Variants in SLC1A6 observed in about 807,000 individuals in gnomAD.
The protein encoded by SLC1A6 is solute carrier family 1 member 6.
Under a neutral mutation model 42.1 loss-of-function variants are expected in SLC1A6, and 15 were observed. That is an observed-to-expected ratio of 0.36 (90% CI 0.24 to 0.55). The LOEUF (loss-of-function observed/expected upper bound fraction) is 0.55. Among genes scored for constraint, SLC1A6 ranks in the 20% least tolerant of loss-of-function variants. The probability of loss-of-function intolerance (pLI) is 0.88; values close to 1 mark genes in which losing one functional copy is unlikely to be tolerated. For synonymous variants in SLC1A6, 317 were observed against 319.7 expected (o/e 0.99, Z 0.09); for missense variants, 542 against 772.5 (o/e 0.70, Z 3.54).
intron 9 of SLC1A6, among the ~76,000 whole-genome samples, chr19:14,951,781 G>A (rs925599420): frequency 3.3e-5 from 5 of 151,998 alleles, no homozygotes; most frequent in Admixed American, 6.6e-5. Context: ...GCCTCCCAAA[G>A]TGCTGGGATT....
chr19:14,958,048 A>T (rs873599), intron 6 of SLC1A6, among the ~76,000 whole-genome samples: 103,592 of 152,006 alleles, frequency 0.68, 35,392 homozygotes, highest in African/African-American at 0.74. Context: ...GGGTCAATCG[A>T]GTGAGTTTCT....
At chr19:14,970,871 C>A (rs1371466460) in intron 3 of SLC1A6, among the ~76,000 whole-genome samples, 1 of 152,108 alleles carries the variant, frequency 6.6e-6, no homozygotes, top group African/African-American at 2.4e-5. Context: ...GTGGCTCATG[C>A]CTGCTATCCC....
At position 14,972,846 on chromosome 19, in the gene SLC1A6, C is replaced by T; in HGVS notation, c.65G>A (p.Trp22Ter). Residue 22 changes from tryptophan (W) to a stop codon, truncating the protein, a stop_gained, in exon 2 of 10, where the codon TGG becomes TAG. Coordinates refer to ENST00000594383, the MANE Select transcript of SLC1A6 (RefSeq NM_005071.3). LOFTEE classifies it high-confidence loss of function. ...ESGQRLGRVG[W>*]LQRLQESLQQ... ...CAGGCTTTCCTGCAGCCGCTGCAGC[C>T]AGCCCACCCGGCCCAGCCGCTGGCC... 1 of 1,603,552 alleles carries T rather than the reference C, an allele frequency of 6.2e-7. No homozygotes were observed. Among genetic ancestry groups the T allele is most frequent in the Non-Finnish European group, 8.5e-7 (1 of 1,176,322 alleles).
At chr19:15,004,539 C>CAA (rs148218390) in intron 1 of SLC1A6, among the ~76,000 whole-genome samples, 5 of 120,460 alleles carry the variant, frequency 4.2e-5, no homozygotes, top group Admixed American at 2.7e-4. Flanking sequence ...CTCACCTCTA[C>CAA]AAAAAAAAAA....
intron 7 of SLC1A6, among the ~76,000 whole-genome samples, chr19:14,955,269 T>A (rs2058511887): frequency 6.6e-6 from 1 of 152,088 alleles, no homozygotes; most frequent in South Asian, 2.1e-4. Flanking sequence ...CTGACCAGCG[T>A]TATGGGCAAT....
In SLC1A6 at chr19:14,954,248, G is replaced by A. The variant is rs1050646691; in HGVS notation, c.1251C>T (p.Pro417=). The A allele has an allele frequency of 2.5e-6, 4 of 1,613,970 alleles. No homozygotes were observed. The highest frequency in any genetic ancestry group is 2.7e-5 in the African/African-American group (2 of 74,934). ...VDRRITRFVL[P]VGATVNMDGT... ...CATCCATGTTGACCGTGGCGCCCAC[G>A]GGCAGGACGAACCTGGTGATGCGGC... Residue 417 remains proline, a synonymous_variant, in exon 8 of 10, where the codon CCC becomes CCT. Transcript: ENST00000594383.
rs115659896 is a variant in SLC1A6, at chr19:14,954,862, C to T, written c.1170-533G>A. ...CCAATAGCTAAGGCCAATGACTACA[C>T]ACTAGTTTATGGCAGTAGTTCGTTC... On this transcript the variant is annotated intron_variant, in intron 7 of 9. Coordinates refer to ENST00000594383, the MANE Select transcript of SLC1A6 (RefSeq NM_005071.3). 2.6e-3 allele frequency among the ~76,000 whole-genome samples: 393 copies of T among 152,328 alleles called. 1 individual carries two copies. The highest frequency in any genetic ancestry group is 8.9e-3 in the African/African-American group (369 of 41,570).
intron 6 of SLC1A6, among the ~76,000 whole-genome samples, chr19:14,958,782 A>C (rs1459572403): frequency 6.6e-6 from 1 of 152,200 alleles, no homozygotes; most frequent in Non-Finnish European, 1.5e-5. Flanking sequence ...TCACCCAATC[A>C]TGCCAATGAC....
intron 1 of SLC1A6, among the ~76,000 whole-genome samples, chr19:14,988,733 T>C (rs1338824319): frequency 6.6e-6 from 1 of 152,144 alleles, no homozygotes; most frequent in Non-Finnish European, 1.5e-5. Context: ...AGTCAAATAC[T>C]AGCTGGTGTG....
chr19:14,973,247 C>T, intron 1 of SLC1A6: 1 of 277,362 alleles, frequency 3.6e-6, no homozygotes, highest in Non-Finnish European at 6.7e-6. Flanking sequence ...GATAGTGAGA[C>T]CTCCACCCCT....
intron 1 of SLC1A6, among the ~76,000 whole-genome samples, chr19:14,989,311 G>T (rs776801793): frequency 1.3e-5 from 2 of 152,090 alleles, no homozygotes; most frequent in African/African-American, 2.4e-5. Flanking sequence ...GCCCAGGCTG[G>T]AGTGCAATGG....
rs1376142210 is a variant in SLC1A6 at position 14,979,180 on chromosome 19, CG to C, written c.-8+128del. The C allele has an allele frequency of 1.1e-4, 17 of 152,118 alleles. No homozygotes were observed. The highest frequency in any genetic ancestry group is 4.6e-4 in the Admixed American group (7 of 15,250). 9.4% of individuals were successfully genotyped at this position (152,118 alleles called of 1,614,324 possible). On this transcript the variant is annotated intron_variant, in intron 1 of 9. Coordinates refer to ENST00000594383, the MANE Select transcript of SLC1A6 (RefSeq NM_005071.3). This position sits in a 1 kb window ranked among gnomAD's most constrained non-coding sequence, Gnocchi z 4.2. ...TAAGCCCTCTGACAGAGAAGGCAAC[CG>C]AGCCCTATAAATGCACAAGGCATCG... is the stretch of plus-strand genomic sequence containing the variant.
At chr19:15,003,604 G>T (rs1414897023) in intron 1 of SLC1A6, among the ~76,000 whole-genome samples, 1 of 150,150 alleles carries the variant, frequency 6.7e-6, no homozygotes, top group Non-Finnish European at 1.5e-5. Flanking sequence ...CCTAAAAAGG[G>T]GTCTCTGATA....
At chr19:14,973,089 C>A (rs2045664001) in intron 1 of SLC1A6, 172 bp from the exon 2 acceptor site, 2 of 590,356 alleles carry the variant, frequency 3.4e-6, no homozygotes, top group South Asian at 4.5e-5. Flanking sequence ...GAGGCAGAGG[C>A]AGGAGAATCA....
chr19:14,983,555 G>C (rs2045778189), upstream of SLC1A6, among the ~76,000 whole-genome samples: 1 of 151,826 alleles, frequency 6.6e-6, no homozygotes, highest in Admixed American at 6.6e-5. Flanking sequence ...CAGGTATGGG[G>C]GGCGTGCCTG....
chr19:14,972,932 G>A lies in SLC1A6; in HGVS notation c.-7-15C>T, dbSNP rs1210994264. The A allele has an allele frequency of 1.9e-6, 3 of 1,545,954 alleles. No individual in the cohort carries two copies. The African/African-American group carries it at 4.1e-5, about 21-fold the overall frequency. Reference sequence around the variant, plus strand: ...TCATGGTCTATCTGCGGGAAACAGAGAAGCCTGGGGCTGGTGAGGGCCAGG... The same window carrying A: ...TCATGGTCTATCTGCGGGAAACAGAAAAGCCTGGGGCTGGTGAGGGCCAGG... On this transcript the variant is annotated splice_polypyrimidine_tract_variant and intron_variant, in intron 1 of 9. Transcript: ENST00000594383.
At chr19:14,991,789 C>T (rs912852073) in intron 1 of SLC1A6, among the ~76,000 whole-genome samples, 1 of 151,372 alleles carries the variant, frequency 6.6e-6, no homozygotes, top group South Asian at 2.1e-4. Context: ...AATAGATCAA[C>T]ATGTTAAATC....
chr19:15,007,612 C>T (rs1023327862), intron 1 of SLC1A6, among the ~76,000 whole-genome samples: 1 of 152,070 alleles, frequency 6.6e-6, no homozygotes, highest in Non-Finnish European at 1.5e-5. Context: ...TTTCTTTATC[C>T]TATGTGTATT....
chr19:15,001,658 T>A (rs1464135732), intron 1 of SLC1A6, among the ~76,000 whole-genome samples: 1 of 152,162 alleles, frequency 6.6e-6, no homozygotes, highest in Non-Finnish European at 1.5e-5. Context: ...GCCACAGTCT[T>A]CCTAACCTTC....
Sources: allele counts gnomAD v4.1 joint callset (sites outside exome capture counted in the v4.1 genomes callset), GRCh38; gene constraint gnomAD v4.1.1; non-coding constraint Gnocchi (gnomAD v3.1); transcripts MANE v1.5; gene names NCBI Gene and HGNC (gene_info 2026-07-23, HGNC 2026-07-21).